Variants in STXBP5L observed in about 807,000 individuals in gnomAD.
The protein encoded by STXBP5L is syntaxin-binding protein 5-like.
A neutral mutation model predicts 144.5 loss-of-function variants in STXBP5L; 65 were observed. The observed-to-expected ratio is 0.45, with a 90% CI of 0.37 to 0.55. The LOEUF is 0.55. Ranked by LOEUF, STXBP5L falls within the 20% of genes least tolerant of loss-of-function variation. The probability of loss-of-function intolerance (pLI) is 0.00; values close to 1 mark genes in which losing one functional copy is unlikely to be tolerated. For synonymous variants in STXBP5L, 505 were observed against 469.6 expected, an observed-to-expected ratio of 1.08 and a Z score of -0.97; for missense variants, 1,298 against 1,405.5, an observed-to-expected ratio of 0.92 and a Z score of 1.22.
At chr3:121,217,662 T>C (rs1365824167) in intron 10 of STXBP5L, among the ~76,000 whole-genome samples, 3 of 152,174 alleles carry the variant, frequency 2.0e-5, no homozygotes, top group African/African-American at 7.2e-5. Context: ...TTCACTTTCA[T>C]ATATTTTTAA....
chr3:121,203,029 T>C (rs2048197789), intron 9 of STXBP5L, among the ~76,000 whole-genome samples: 3 of 151,956 alleles, frequency 2.0e-5, no homozygotes, highest in Admixed American at 2.0e-4. Flanking sequence ...CAGTATTCCA[T>C]ATTTCTTTGA....
chr3:120,972,405 TA>T (rs1940376675), intron 3 of STXBP5L, among the ~76,000 whole-genome samples: 1 of 152,158 alleles, frequency 6.6e-6, no homozygotes, highest in Non-Finnish European at 1.5e-5. Flanking sequence ...TTTTGATTTT[TA>T]TACAATGATT....
At chr3:121,014,167 A>T (rs1250558162) in intron 3 of STXBP5L, among the ~76,000 whole-genome samples, 2 of 151,820 alleles carry the variant, frequency 1.3e-5, no homozygotes, top group East Asian at 3.9e-4. Context: ...TTCTAATTCC[A>T]TGAAAAGTCA....
chr3:120,962,352 A>T (rs1938945464), intron 3 of STXBP5L, among the ~76,000 whole-genome samples: 1 of 152,170 alleles, frequency 6.6e-6, no homozygotes, highest in South Asian at 2.1e-4. Context: ...TTCCTTGCCC[A>T]TGCCTATATC....
chr3:120,958,599 C>T (rs1388088889), intron 3 of STXBP5L, among the ~76,000 whole-genome samples: 1 of 152,206 alleles, frequency 6.6e-6, no homozygotes, highest in East Asian at 1.9e-4. Context: ...TCTGGTTCAA[C>T]ATATGCAAAT....
intron 5 of STXBP5L, among the ~76,000 whole-genome samples, chr3:121,104,345 G>A (rs913083024): frequency 5.3e-5 from 8 of 152,058 alleles, no homozygotes; most frequent in African/African-American, 1.9e-4. Flanking sequence ...CAGATTCAAT[G>A]CAATTCCCAT....
At chr3:121,130,612 C>A (rs1489428024) in intron 7 of STXBP5L, among the ~76,000 whole-genome samples, 1 of 152,130 alleles carries the variant, frequency 6.6e-6, no homozygotes. Context: ...TAGCTGGTTA[C>A]AGACTGTTGC....
intron 9 of STXBP5L, among the ~76,000 whole-genome samples, chr3:121,171,270 G>A (rs568992602): frequency 4.6e-5 from 7 of 152,298 alleles, no homozygotes; most frequent in African/African-American, 1.7e-4. Flanking sequence ...GGCAAAAGCT[G>A]TAAGCATTCC....
chr3:121,111,939 C>T (rs2044005878), intron 5 of STXBP5L, among the ~76,000 whole-genome samples: 1 of 152,096 alleles, frequency 6.6e-6, no homozygotes, highest in Non-Finnish European at 1.5e-5. Context: ...TTCTGAAATT[C>T]CTGCAGAGAG....
intron 3 of STXBP5L, among the ~76,000 whole-genome samples, chr3:121,010,958 G>C (rs1046073864): frequency 1.3e-5 from 2 of 151,332 alleles, no homozygotes; most frequent in Non-Finnish European, 3.0e-5. Flanking sequence ...GTTTGAACTT[G>C]TGTTGTTCAA....
At chr3:121,145,231 T>A (rs1403688843) in intron 7 of STXBP5L, among the ~76,000 whole-genome samples, 2 of 151,720 alleles carry the variant, frequency 1.3e-5, no homozygotes, top group African/African-American at 2.4e-5. Context: ...GGAGACAGAA[T>A]CCCACCAGCA....
chr3:121,046,748 TTTTCTC>T (rs1384793167), intron 5 of STXBP5L, among the ~76,000 whole-genome samples: 4 of 152,096 alleles, frequency 2.6e-5, no homozygotes, highest in Non-Finnish European at 5.9e-5. Context: ...TCTTCTCTCT[TTTTCTC>T]TTTATTAGCC....
chr3:121,218,379 A>G (rs2108279184), intron 10 of STXBP5L, among the ~76,000 whole-genome samples: 1 of 146,220 alleles, frequency 6.8e-6, no homozygotes, highest in South Asian at 2.1e-4. Flanking sequence ...TATATAATAT[A>G]TAGTATATAG....
chr3:121,391,158 T>A (rs2046574232), intron 22 of STXBP5L, among the ~76,000 whole-genome samples: 1 of 152,202 alleles, frequency 6.6e-6, no homozygotes, highest in East Asian at 1.9e-4. Flanking sequence ...ATAGATACCC[T>A]TTCTTCCCCT....
chr3:121,097,673 A>G (rs557651577), intron 5 of STXBP5L, among the ~76,000 whole-genome samples: 105 of 152,234 alleles, frequency 6.9e-4, no homozygotes, highest in Non-Finnish European at 1.2e-3. Flanking sequence ...AGTGAGATGA[A>G]CCGGGTACCT....
intron 6 of STXBP5L, among the ~76,000 whole-genome samples, chr3:121,120,516 T>C (rs960370562): frequency 1.3e-5 from 2 of 151,278 alleles, no homozygotes; most frequent in South Asian, 2.1e-4. Context: ...TATTAGATGC[T>C]GTATGTATCT....
intron 19 of STXBP5L, among the ~76,000 whole-genome samples, chr3:121,298,199 A>G (rs2051736667): frequency 6.6e-6 from 1 of 152,164 alleles, no homozygotes; most frequent in Non-Finnish European, 1.5e-5. Context: ...CCTAACAGGT[A>G]TGAGGTGATA....
At chr3:121,053,415 C>T (rs567190055) in intron 5 of STXBP5L, among the ~76,000 whole-genome samples, 1 of 152,260 alleles carries the variant, frequency 6.6e-6, no homozygotes, top group East Asian at 1.9e-4. Flanking sequence ...TGGAACAGAA[C>T]AGAGCCCTCA....
At chr3:121,140,034 A>G (rs916156633) in intron 7 of STXBP5L, among the ~76,000 whole-genome samples, 1 of 152,126 alleles carries the variant, frequency 6.6e-6, no homozygotes. Flanking sequence ...TGAAACACTC[A>G]TTTCTCACTA....
Sources: allele counts gnomAD v4.1 joint callset (sites outside exome capture counted in the v4.1 genomes callset), GRCh38; gene constraint gnomAD v4.1.1; transcripts MANE v1.5; gene names NCBI Gene and HGNC (gene_info 2026-07-23, HGNC 2026-07-21).